Variants in PLEKHA7 observed in about 807,000 individuals in gnomAD.
PLEKHA7 encodes pleckstrin homology domain containing A7.
Under a neutral mutation model 170.0 loss-of-function variants are expected in PLEKHA7, and 104 were observed. The ratio of observed to expected loss-of-function variants is 0.61; its 90% CI spans 0.52 to 0.72. PLEKHA7 has a LOEUF of 0.72. Ranked by LOEUF, PLEKHA7 falls within the 30% of genes least tolerant of loss-of-function variation. The pLI, the probability that PLEKHA7 is intolerant of heterozygous loss-of-function variation, is 0.00. For synonymous variants in PLEKHA7, 648 were observed against 660.8 expected (o/e 0.98, Z 0.30); for missense variants, 1,615 against 1,671.7 (o/e 0.97, Z 0.59).
intron 13 of PLEKHA7, among the ~76,000 whole-genome samples, chr11:16,806,866 T>C (rs1471956415): frequency 6.6e-6 from 1 of 152,158 alleles, no homozygotes; most frequent in Non-Finnish European, 1.5e-5. Flanking sequence ...AGACACGTGA[T>C]GATGGAAACA....
chr11:16,813,311 A>G (rs1849512055), intron 12 of PLEKHA7, 145 bp from the exon 13 acceptor site: 2 of 571,968 alleles, frequency 3.5e-6, no homozygotes, highest in South Asian at 2.4e-5. Flanking sequence ...CCACAGAGGA[A>G]GCACAAATGT....
At chr11:16,935,177 G>A (rs1235570478) in intron 3 of PLEKHA7, among the ~76,000 whole-genome samples, 1 of 152,258 alleles carries the variant, frequency 6.6e-6, no homozygotes, top group Non-Finnish European at 1.5e-5. Flanking sequence ...GCTCACGCCT[G>A]TAATCCCAGC....
rs115533429 is a variant in PLEKHA7, at chr11:16,806,003, C to G, written c.2008-2708G>C. On this transcript the variant is annotated intron_variant, in intron 13 of 26. Coordinates refer to ENST00000531066, the MANE Select transcript of PLEKHA7 (RefSeq NM_001329630.2). ...CCCAGCACATTAGAGTACAATGTTC[C>G]GTTTGCTCATTTGTCTCTCCTCACT... Among the ~76,000 whole-genome samples, 868 of 152,238 alleles carry G rather than the reference C, an allele frequency of 5.7e-3. 4 individuals carry two copies. The highest frequency in any genetic ancestry group is 0.02 in the African/African-American group (826 of 41,548).
At chr11:16,997,784 T>C (rs1864431633) in intron 3 of PLEKHA7, among the ~76,000 whole-genome samples, 1 of 152,212 alleles carries the variant, frequency 6.6e-6, no homozygotes, top group South Asian at 2.1e-4. Flanking sequence ...TGCAGTTTGC[T>C]TCCAGTGAGT....
At chr11:16,884,921 C>T (rs1411970801) in intron 3 of PLEKHA7, among the ~76,000 whole-genome samples, 1 of 152,194 alleles carries the variant, frequency 6.6e-6, no homozygotes, top group East Asian at 1.9e-4. Flanking sequence ...AGCATAAACA[C>T]CACAGGCTGC....
intron 12 of PLEKHA7, among the ~76,000 whole-genome samples, chr11:16,815,967 T>C (rs1287337002): frequency 6.6e-6 from 1 of 152,140 alleles, no homozygotes; most frequent in Non-Finnish European, 1.5e-5. Flanking sequence ...AATATTCCCC[T>C]ACATTTCCCT....
intron 16 of PLEKHA7, 68 bp downstream of exon 16, chr11:16,801,600 G>C: frequency 1.3e-6 from 2 of 1,582,538 alleles, no homozygotes; most frequent in Non-Finnish European, 1.7e-6. Context: ...CTACATCTTG[G>C]GAGGGGAGAA....
intron 9 of PLEKHA7, among the ~76,000 whole-genome samples, chr11:16,835,053 T>G (rs1369196114): frequency 6.6e-6 from 1 of 152,186 alleles, no homozygotes; most frequent in Non-Finnish European, 1.5e-5. Flanking sequence ...GTGGATCACT[T>G]GAACCCAGGA....
At chr11:16,891,915 G>A (rs1220231177) in intron 3 of PLEKHA7, among the ~76,000 whole-genome samples, 2 of 152,292 alleles carry the variant, frequency 1.3e-5, no homozygotes, top group South Asian at 2.1e-4. Flanking sequence ...TTATCAAGAC[G>A]GGAAGTAATC....
chr11:16,987,591 G>A (rs1231578429), intron 3 of PLEKHA7, among the ~76,000 whole-genome samples: 1 of 152,066 alleles, frequency 6.6e-6, no homozygotes, highest in Non-Finnish European at 1.5e-5. Context: ...ATCTTCATTT[G>A]AGAAATGAAG....
chr11:16,872,693 G>C (rs1307221478), intron 3 of PLEKHA7, among the ~76,000 whole-genome samples: 4 of 152,016 alleles, frequency 2.6e-5, no homozygotes, highest in Non-Finnish European at 5.9e-5. Flanking sequence ...CTAAGTTTTG[G>C]GTTTTTTTGT....
chr11:16,874,749 T>C (rs1855146448), intron 3 of PLEKHA7, among the ~76,000 whole-genome samples: 1 of 152,144 alleles, frequency 6.6e-6, no homozygotes, highest in Admixed American at 6.5e-5. Context: ...AAGTTCTGAG[T>C]GACAGCACTT....
chr11:16,905,979 G>A (rs910812780), intron 3 of PLEKHA7, among the ~76,000 whole-genome samples: 2 of 149,548 alleles, frequency 1.3e-5, no homozygotes, highest in African/African-American at 4.8e-5. Flanking sequence ...TAGGGCCCTG[G>A]AGTGAGGGAC....
chr11:17,013,645 C>A (rs1278440387), intron 3 of PLEKHA7, among the ~76,000 whole-genome samples: 1 of 152,268 alleles, frequency 6.6e-6, no homozygotes, highest in Non-Finnish European at 1.5e-5. Context: ...CAGGTCCCGG[C>A]ACTCGCCTCT....
At chr11:16,833,777 A>G (rs1276389058) in intron 9 of PLEKHA7, among the ~76,000 whole-genome samples, 3 of 152,226 alleles carry the variant, frequency 2.0e-5, no homozygotes, top group Non-Finnish European at 4.4e-5. Flanking sequence ...TGGCAGCGGC[A>G]GCCATCACTG....
rs184191733 is a variant in PLEKHA7, at chr11:16,836,283, G to A, written c.872+5264C>T. Among the ~76,000 whole-genome samples, 77 of 152,310 alleles carry A rather than the reference G, an allele frequency of 5.1e-4. 1 individual carries two copies. The highest frequency in any genetic ancestry group is 6.8e-3 in the Middle Eastern group (2 of 294). ...GGAAGAGCCCAGAGTCTGAGAATAT[G>A]ACTTCTAGTGATACTGTCTGAGCCT... On this transcript the variant is annotated intron_variant, in intron 9 of 26. Coordinates refer to ENST00000531066, the MANE Select transcript of PLEKHA7 (RefSeq NM_001329630.2).
chr11:16,948,110 T>A (rs1473315081), intron 3 of PLEKHA7, among the ~76,000 whole-genome samples: 1 of 151,912 alleles, frequency 6.6e-6, no homozygotes, highest in Non-Finnish European at 1.5e-5. Flanking sequence ...CAATTACATG[T>A]AGAGTGTAAA....
chr11:17,014,177 C>G lies in PLEKHA7; in HGVS notation c.111G>C (p.Trp37Cys). 1 of 1,598,016 alleles carries G rather than the reference C, an allele frequency of 6.3e-7. No individual in the cohort carries two copies. Among genetic ancestry groups the G allele is most frequent in the South Asian group, 1.1e-5 (1 of 89,580 alleles). The stretch of plus-strand genomic sequence containing the variant: ...CGGGCTCCCCGGTGCGCGGATGCAG[C>G]CAGGTCGTGCAGCGGAGCTGGTCAC... Reference protein sequence around the residue: ...FINDQLRCTTWLHPRTGEPVN... With the variant: ...FINDQLRCTTCLHPRTGEPVN... Residue 37 changes from tryptophan to cysteine, a missense_variant, in exon 2 of 27, where the codon TGG becomes TGC. By Grantham distance (215) the Trp-to-Cys change is radical. Transcript: ENST00000531066.
chr11:16,896,653 G>T, intron 3 of PLEKHA7, among the ~76,000 whole-genome samples: 1 of 151,886 alleles, frequency 6.6e-6, no homozygotes, highest in Non-Finnish European at 1.5e-5. Flanking sequence ...CCAGACAGTT[G>T]CCTGTAAATA....
Sources: gnomAD v4.1 joint callset for allele counts (sites outside exome capture counted in the v4.1 genomes callset) on GRCh38, gnomAD v4.1.1 for gene constraint, MANE v1.5 for transcripts, NCBI Gene and HGNC (gene_info 2026-07-23, HGNC 2026-07-21) for gene names.